SPAG9: variants seen among roughly 807,000 people sequenced by gnomAD.
SPAG9 encodes C-Jun-amino-terminal kinase-interacting protein 4.
SPAG9 carries 35 observed loss-of-function variants against 166.5 expected under a neutral mutation model. The observed-to-expected ratio is 0.21, with a 90% CI of 0.16 to 0.28. The LOEUF (loss-of-function observed/expected upper bound fraction) is 0.28, where lower values mean the gene tolerates loss of function less well. Among genes scored for constraint, SPAG9 ranks in the 10% least tolerant of loss-of-function variants. SPAG9 has a pLI of 1.00. For synonymous variants in SPAG9, 534 were observed against 565.5 expected, an observed-to-expected ratio of 0.94 and a Z score of 0.79; for missense variants, 1,235 against 1,603.3, an observed-to-expected ratio of 0.77 and a Z score of 3.92.
At chr17:51,049,434 G>A (rs1447760551) in intron 3 of SPAG9, among the ~76,000 whole-genome samples, 1 of 152,046 alleles carries the variant, frequency 6.6e-6, no homozygotes, top group South Asian at 2.1e-4. Context: ...CCAGCACTTT[G>A]GGAGGCTGAG....
At chr17:51,084,753 C>A (rs1425404133) in intron 1 of SPAG9, among the ~76,000 whole-genome samples, 1 of 152,114 alleles carries the variant, frequency 6.6e-6, no homozygotes, top group Admixed American at 6.6e-5. Context: ...GGATAAAATG[C>A]TGTTTTAAAG....
chr17:51,110,488 C>T (rs886132198), intron 1 of SPAG9, among the ~76,000 whole-genome samples: 4 of 151,056 alleles, frequency 2.6e-5, no homozygotes, highest in Admixed American at 1.3e-4. Flanking sequence ...CTCACAAATT[C>T]GAGACCAGCC....
At chr17:51,097,377 T>C in intron 1 of SPAG9, among the ~76,000 whole-genome samples, 1 of 151,988 alleles carries the variant, frequency 6.6e-6, no homozygotes, top group East Asian at 1.9e-4. Flanking sequence ...ACACAGAGGA[T>C]TCATCAAAAA....
Position 50,995,449 on chromosome 17 carries a change from T to A in SPAG9, c.2053A>T (p.Met685Leu). ...TTAATTCACAATGAACTTACCTTCATTGATGTATCTTTTTCATCCAGAGGT... is the reference window on the plus strand; with the variant it reads ...TTAATTCACAATGAACTTACCTTCAATGATGTATCTTTTTCATCCAGAGGT... The part of the protein sequence containing the change: ...LRPLDEKDTS[M>L]KLWCAVGVNL... Residue 685 changes from methionine (M) to leucine (L), a missense_variant, in exon 17 of 30, where the codon ATG becomes TTG. By Grantham distance (15) the Met-to-Leu change is conservative (BLOSUM62 2). Coordinates refer to ENST00000262013, the MANE Select transcript of SPAG9 (RefSeq NM_001130528.3). The A allele has an allele frequency of 6.2e-7, 1 of 1,603,706 alleles. No homozygotes were observed. The highest frequency in any genetic ancestry group is 8.5e-7 in the Non-Finnish European group (1 of 1,171,624).
intron 2 of SPAG9, among the ~76,000 whole-genome samples, chr17:51,061,483 G>C (rs866121044): frequency 2.6e-5 from 4 of 151,866 alleles, no homozygotes; most frequent in African/African-American, 9.7e-5. Flanking sequence ...GGTGGTGCAC[G>C]CCTGTAATCC....
At chr17:50,988,986 TA>T (rs904940296) in intron 21 of SPAG9, among the ~76,000 whole-genome samples, 3 of 150,098 alleles carry the variant, frequency 2.0e-5, no homozygotes, top group African/African-American at 7.4e-5. Context: ...AAAATTAGAG[TA>T]GGGGTGGGAT....
In SPAG9 at chr17:51,100,461, T is replaced by C. The variant is rs543208531; in HGVS notation, c.303+19893A>G. On this transcript the variant is annotated intron_variant, in intron 1 of 29. Transcript: ENST00000262013. ...CTCTACAAAAATTACAAAAATTAAC[T>C]GGACATGGTGGTGTCTGGCTTGATG... is the stretch of plus-strand genomic sequence containing the variant. Among the ~76,000 whole-genome samples, 17 of 152,206 alleles carry C rather than the reference T, an allele frequency of 1.1e-4. No individual in the cohort carries two copies. In the South Asian group the frequency reaches 3.5e-3, roughly 32 times the overall value.
In SPAG9 at chr17:50,998,642, T is replaced by A. The variant is rs2044786883; in HGVS notation, c.1665-25A>T. 1.9e-6 allele frequency: 3 copies of A among 1,606,266 alleles called. No individual in the cohort carries two copies. In the East Asian group the frequency reaches 6.7e-5, roughly 36 times the overall value. On this transcript the variant is annotated intron_variant, in intron 14 of 29. Transcript: ENST00000262013. ...ACTAAAAGAAGACAGTATGTCTGTG[T>A]GTCACATGTACTATGAGAAACAATC...
intron 2 of SPAG9, among the ~76,000 whole-genome samples, chr17:51,076,985 T>TCTAGCTATCTAGCTATCTAGCTATCTAG (rs2047990177): frequency 9.8e-6 from 1 of 101,646 alleles, no homozygotes; most frequent in Non-Finnish European, 2.2e-5. Context: ...ATCTATCTTA[T>TCTAGCTATCTAGCTATCTAGCTATCTAG]CTAGCTATCT....
intron 1 of SPAG9, among the ~76,000 whole-genome samples, chr17:51,098,325 GTT>G (rs76882928): frequency 6.7e-6 from 1 of 150,206 alleles, no homozygotes; most frequent in Non-Finnish European, 1.5e-5. Flanking sequence ...ACAGTTCGTG[GTT>G]TTTTTTTTCC....
chr17:51,036,859 A>G (rs540161504), intron 5 of SPAG9, among the ~76,000 whole-genome samples: 16 of 152,306 alleles, frequency 1.1e-4, no homozygotes, highest in Admixed American at 9.1e-4. Context: ...ATTGTGCAGA[A>G]AGGAAAGAGA....
intron 4 of SPAG9, among the ~76,000 whole-genome samples, chr17:51,043,330 T>C (rs2046909904): frequency 6.6e-6 from 1 of 152,188 alleles, no homozygotes; most frequent in East Asian, 1.9e-4. Context: ...AAAGTTTTTA[T>C]AATAAGTCCA....
intron 1 of SPAG9, among the ~76,000 whole-genome samples, chr17:51,088,181 A>G (rs1195483368): frequency 6.6e-6 from 1 of 152,228 alleles, no homozygotes; most frequent in Non-Finnish European, 1.5e-5. Flanking sequence ...GTAGTCAAAG[A>G]AAAACTTGTC....
chr17:50,977,806 C>T (rs569594765), intron 26 of SPAG9, among the ~76,000 whole-genome samples: 2 of 152,176 alleles, frequency 1.3e-5, no homozygotes, highest in East Asian at 1.9e-4. Context: ...GTCACTTGAG[C>T]GCAGGAGTTT....
intron 4 of SPAG9, among the ~76,000 whole-genome samples, chr17:51,043,122 T>G (rs532692794): frequency 1.3e-5 from 2 of 152,196 alleles, no homozygotes; most frequent in South Asian, 2.1e-4. Flanking sequence ...ACTCCTGACC[T>G]CACATGATCT....
chr17:51,060,740 G>C (rs1297737505), intron 2 of SPAG9, among the ~76,000 whole-genome samples: 1 of 151,990 alleles, frequency 6.6e-6, no homozygotes, highest in Admixed American at 6.6e-5. Flanking sequence ...TCCAGACTGT[G>C]AGAAATAAAT....
At chr17:51,005,776 G>A (rs1362586199) in intron 11 of SPAG9, among the ~76,000 whole-genome samples, 3 of 152,206 alleles carry the variant, frequency 2.0e-5, no homozygotes, top group African/African-American at 7.2e-5. Flanking sequence ...GCTTGAACTC[G>A]GGAGGCAGAG....
intron 17 of SPAG9, 34 bp downstream of exon 17, chr17:50,995,410 G>A (rs1346933637): frequency 6.5e-6 from 10 of 1,531,268 alleles, no homozygotes; most frequent in Non-Finnish European, 9.0e-6. Flanking sequence ...CCAGAGTTTA[G>A]AAAACATCTC....
chr17:51,098,911 C>T (rs971548388), intron 1 of SPAG9, among the ~76,000 whole-genome samples: 3 of 151,296 alleles, frequency 2.0e-5, no homozygotes, highest in Non-Finnish European at 4.4e-5. Context: ...ACCATCCTGG[C>T]CAATATGCTG....
Sources: allele counts gnomAD v4.1 joint callset (sites outside exome capture counted in the v4.1 genomes callset), GRCh38; gene constraint gnomAD v4.1.1; transcripts MANE v1.5; gene names NCBI Gene and HGNC (gene_info 2026-07-23, HGNC 2026-07-21).